PTPN4: variants seen among roughly 807,000 people sequenced by gnomAD.
PTPN4 encodes tyrosine-protein phosphatase non-receptor type 4.
Under a neutral mutation model 135.5 loss-of-function variants are expected in PTPN4, and 49 were observed. The ratio of observed to expected loss-of-function variants is 0.36; its 90% CI spans 0.29 to 0.46. The LOEUF is 0.46. Ranked by LOEUF, PTPN4 falls within the 20% of genes least tolerant of loss-of-function variation. PTPN4 has a pLI of 1.00. For missense variants in PTPN4, 860 were observed against 1,101.0 expected (o/e 0.78, Z 3.10); for synonymous variants, 333 against 369.9 (o/e 0.90, Z 1.14).
rs1679726447 is a variant in PTPN4, at chr2:119,983,689, C to G, written c.*6619C>G. The G allele has an allele frequency of 6.6e-6, 1 of 152,058 alleles. No homozygotes were observed. Among genetic ancestry groups the G allele is most frequent in the African/African-American group, 2.4e-5 (1 of 41,384 alleles). The allele number at this position is 152,058 out of a possible 1,614,324, so 9.4% of individuals were successfully genotyped here. On this transcript the variant is annotated 3_prime_UTR_variant, in exon 27 of 27. Transcript: ENST00000263708. ...GTGTTGGAGGTCATTAGATTGGACC[C>G]AGGTTTAAATATAATGATCTCTTCA...
At chr2:119,947,930 G>A (rs1376073265) in intron 18 of PTPN4, among the ~76,000 whole-genome samples, 1 of 151,960 alleles carries the variant, frequency 6.6e-6, no homozygotes, top group Non-Finnish European at 1.5e-5. Flanking sequence ...TAGCCCACAG[G>A]GACCTCTCAG....
intron 26 of PTPN4, among the ~76,000 whole-genome samples, chr2:119,969,621 C>T (rs965775300): frequency 1.5e-5 from 2 of 137,830 alleles, no homozygotes; most frequent in African/African-American, 5.4e-5. Flanking sequence ...TGCAGTGGCG[C>T]GATCTCAGCT....
intron 25 of PTPN4, among the ~76,000 whole-genome samples, chr2:119,967,002 T>C (rs1679453832): frequency 6.6e-6 from 1 of 152,230 alleles, no homozygotes; most frequent in South Asian, 2.1e-4. Context: ...TTTCAAATCT[T>C]CAAAACAGAT....
At position 119,861,801 on chromosome 2, in the gene PTPN4, G is replaced by T. The variant is rs561664104; in HGVS notation, c.139-735G>T. 2.0e-5 allele frequency among the ~76,000 whole-genome samples: 3 copies of T among 152,184 alleles called. No individual in the cohort carries two copies. The East Asian group carries it at 5.8e-4, about 29-fold the overall frequency. ...ATCTAATCATGCCTTTTGTACCACA[G>T]TTTAACAGCTTTGGAACTTGGGGAA... On this transcript the variant is annotated intron_variant, in intron 2 of 26. Transcript: ENST00000263708.
At chr2:119,806,792 C>A (rs534113467) in intron 1 of PTPN4, among the ~76,000 whole-genome samples, 1 of 152,250 alleles carries the variant, frequency 6.6e-6, no homozygotes, top group Non-Finnish European at 1.5e-5. Context: ...AGCACCACAT[C>A]ACACACCACA....
rs1287758064 is a variant in PTPN4 at position 119,981,134 on chromosome 2, C to T, written c.*4064C>T. 6.6e-6 allele frequency: 1 copy of T among 151,978 alleles called. No individual in the cohort carries two copies. Among genetic ancestry groups the T allele is most frequent in the African/African-American group, 2.4e-5 (1 of 41,404 alleles). The allele number at this position is 151,978 out of a possible 1,614,324, so 9.4% of individuals were successfully genotyped here. Reference sequence around the variant, plus strand: ...ACCACAATAATGTGGGATATGTTTACAGGCTCTTTTATTTTGTGGTAGTTA... The same window carrying T: ...ACCACAATAATGTGGGATATGTTTATAGGCTCTTTTATTTTGTGGTAGTTA... On this transcript the variant is annotated 3_prime_UTR_variant, in exon 27 of 27. Coordinates refer to ENST00000263708, the MANE Select transcript of PTPN4 (RefSeq NM_002830.4).
At chr2:119,809,249 C>T (rs1490145184) in intron 1 of PTPN4, among the ~76,000 whole-genome samples, 1 of 151,612 alleles carries the variant, frequency 6.6e-6, no homozygotes, top group East Asian at 1.9e-4. Flanking sequence ...TAGTTTTTAT[C>T]TCTTAGGTTA....
chr2:119,838,649 T>C (rs902957070), intron 2 of PTPN4, among the ~76,000 whole-genome samples: 1 of 152,196 alleles, frequency 6.6e-6, no homozygotes, highest in African/African-American at 2.4e-5. Flanking sequence ...AGAGAAACAA[T>C]AACCAGTAAA....
At chr2:119,845,642 GT>G (rs1200305054) in intron 2 of PTPN4, among the ~76,000 whole-genome samples, 1 of 151,554 alleles carries the variant, frequency 6.6e-6, no homozygotes, top group Non-Finnish European at 1.5e-5. Context: ...AGGTTTATTA[GT>G]TTTTCTGATC....
In PTPN4 at chr2:119,945,081, A is replaced by T; in HGVS notation, c.1356A>T (p.Pro452=). 1 of 1,587,098 alleles carries T rather than the reference A, an allele frequency of 6.3e-7. No homozygotes were observed. The highest frequency in any genetic ancestry group is 8.5e-7 in the Non-Finnish European group (1 of 1,171,862). Residue 452 remains proline, a splice_region_variant and synonymous_variant, in exon 16 of 27, where the codon CCA becomes CCT. Transcript: ENST00000263708. The stretch of plus-strand genomic sequence containing the variant: ...CTTCCAAATTTGTTTTCTTGTCTAG[A>T]TCACAAGAGACCCCTGGAGATGGGA... ...QANSIVLESS[P]SQETPGDGKP...
At chr2:119,874,503 GCAGA>G (rs1467160803) in intron 3 of PTPN4, among the ~76,000 whole-genome samples, 5 of 152,168 alleles carry the variant, frequency 3.3e-5, no homozygotes, top group Non-Finnish European at 7.4e-5. Flanking sequence ...GTCTGTGAAA[GCAGA>G]CAAACACAAA....
At chr2:119,962,929 T>C (rs573724402) in intron 24 of PTPN4, among the ~76,000 whole-genome samples, 185 bp downstream of exon 24, 1 of 152,332 alleles carries the variant, frequency 6.6e-6, no homozygotes, top group Non-Finnish European at 1.5e-5. Flanking sequence ...ATTATAAAAT[T>C]AATGTTTTTC....
chr2:119,952,470 C>A (rs1312867604), intron 19 of PTPN4, among the ~76,000 whole-genome samples: 1 of 152,164 alleles, frequency 6.6e-6, no homozygotes, highest in African/African-American at 2.4e-5. Context: ...TCATTCAGGT[C>A]TCTGCTCAGA....
At chr2:119,916,764 AGTT>A (rs1186226259) in intron 11 of PTPN4, 1 of 152,160 alleles carries the variant, frequency 6.6e-6, no homozygotes, top group Non-Finnish European at 1.5e-5. Context: ...GAAATTATAC[AGTT>A]GTTGTCTTTA....
chr2:119,854,749 A>G (rs1677647209), intron 2 of PTPN4, among the ~76,000 whole-genome samples: 1 of 152,238 alleles, frequency 6.6e-6, no homozygotes, highest in African/African-American at 2.4e-5. Flanking sequence ...GAGCTAACCA[A>G]TTCCGTAAAG....
intron 2 of PTPN4, among the ~76,000 whole-genome samples, chr2:119,816,319 C>T (rs574372912): frequency 2.2e-4 from 34 of 152,172 alleles, no homozygotes; most frequent in African/African-American, 7.9e-4. Flanking sequence ...TAGGAGGCTG[C>T]GGTGGAAGGA....
intron 13 of PTPN4, among the ~76,000 whole-genome samples, chr2:119,928,248 A>G (rs1022061950): frequency 5.9e-5 from 9 of 152,156 alleles, no homozygotes; most frequent in African/African-American, 9.7e-5. Context: ...TGTAAACTGT[A>G]AACTTAACTT....
chr2:119,900,664 C>T, intron 9 of PTPN4, 54 bp from the exon 10 acceptor site: 1 of 1,118,302 alleles, frequency 8.9e-7, no homozygotes, highest in Non-Finnish European at 1.3e-6. Flanking sequence ...AAATATATCT[C>T]TAACAAAGCC....
intron 3 of PTPN4, among the ~76,000 whole-genome samples, chr2:119,872,480 A>G (rs147789846): frequency 3.5e-4 from 54 of 152,328 alleles, no homozygotes; most frequent in Admixed American, 7.8e-4. Context: ...TATCTTGGGC[A>G]TAAATACTTT....
Sources: gnomAD v4.1 joint callset for allele counts (sites outside exome capture counted in the v4.1 genomes callset) on GRCh38, gnomAD v4.1.1 for gene constraint, MANE v1.5 for transcripts, NCBI Gene and HGNC (gene_info 2026-07-23, HGNC 2026-07-21) for gene names.